Variants in ZNF804B observed in about 807,000 individuals in gnomAD.
The protein encoded by ZNF804B is zinc finger protein 804B, also known as zinc finger 804B.
Under a neutral mutation model 101.4 loss-of-function variants are expected in ZNF804B, and 80 were observed. That is an observed-to-expected ratio of 0.79 (90% confidence interval 0.66 to 0.95). The LOEUF (loss-of-function observed/expected upper bound fraction) is 0.95. Ranked by LOEUF, ZNF804B falls within the 40% of genes least tolerant of loss-of-function variation. ZNF804B has a pLI of 0.00. For synonymous variants in ZNF804B, 622 were observed against 558.8 expected, an observed-to-expected ratio of 1.11 and a Z score of -1.59; for missense variants, 1,673 against 1,561.9, an observed-to-expected ratio of 1.07 and a Z score of -1.20.
At chr7:88,910,284 C>T (rs1792529075) in intron 1 of ZNF804B, among the ~76,000 whole-genome samples, 1 of 151,864 alleles carries the variant, frequency 6.6e-6, no homozygotes, top group Non-Finnish European at 1.5e-5. Context: ...TTTCAGACAG[C>T]ACTGATAAAC....
At chr7:89,047,103 A>G (rs2116258130) in intron 1 of ZNF804B, among the ~76,000 whole-genome samples, 1 of 152,196 alleles carries the variant, frequency 6.6e-6, no homozygotes, top group African/African-American at 2.4e-5. Context: ...TCTGCAAGTT[A>G]TGGATTATGT....
At chr7:88,787,390 TGTGA>T (rs147771196) in intron 1 of ZNF804B, among the ~76,000 whole-genome samples, 3,078 of 152,280 alleles carry the variant, frequency 0.02, 67 homozygotes, top group East Asian at 0.087. Context: ...TAGTGAACTC[TGTGA>T]GTAAGTGTTT....
chr7:89,202,789 A>G (rs1788663467), intron 1 of ZNF804B, among the ~76,000 whole-genome samples: 1 of 152,146 alleles, frequency 6.6e-6, no homozygotes, highest in Non-Finnish European at 1.5e-5. Context: ...AACGTTTGAC[A>G]AGCCAAAGAA....
At chr7:89,290,369 G>A (rs1266089450) in intron 2 of ZNF804B, among the ~76,000 whole-genome samples, 1 of 152,054 alleles carries the variant, frequency 6.6e-6, no homozygotes, top group African/African-American at 2.4e-5. Flanking sequence ...TGCACCTTAG[G>A]CACCATCCCA....
intron 1 of ZNF804B, among the ~76,000 whole-genome samples, chr7:89,068,946 C>T (rs1289123090): frequency 1.3e-5 from 2 of 152,124 alleles, no homozygotes; most frequent in African/African-American, 4.8e-5. Flanking sequence ...GGGAAGGGGC[C>T]AGTGCCTCTG....
chr7:89,269,731 T>G (rs936420678), intron 2 of ZNF804B, among the ~76,000 whole-genome samples: 6 of 152,242 alleles, frequency 3.9e-5, no homozygotes, highest in East Asian at 1.9e-4. Context: ...ACCTGTTGTT[T>G]CCTGACTTTG....
rs530765893 is a variant in ZNF804B at position 89,023,203 on chromosome 7, T to A, written c.109-194952T>A. On this transcript the variant is annotated intron_variant, in intron 1 of 3. Transcript: ENST00000333190. ...AGATATTCATTTTATAAATGCAATT[T>A]CCAACAGTTAGCTGTATCATGTGAG... Among the ~76,000 whole-genome samples, 8 of 152,344 alleles carry A rather than the reference T, an allele frequency of 5.3e-5. No individual in the cohort carries two copies. In the East Asian group the frequency reaches 1.5e-3, roughly 29 times the overall value.
intron 1 of ZNF804B, among the ~76,000 whole-genome samples, chr7:88,875,112 G>A (rs1223245613): frequency 4.3e-5 from 6 of 140,088 alleles, no homozygotes; most frequent in Non-Finnish European, 7.6e-5. Context: ...TGAAACCAAT[G>A]AGAACAAAGA....
At chr7:89,080,234 G>T (rs1427349633) in intron 1 of ZNF804B, among the ~76,000 whole-genome samples, 2 of 151,424 alleles carry the variant, frequency 1.3e-5, no homozygotes, top group Non-Finnish European at 2.9e-5. Context: ...AATTAGATTT[G>T]CAAGACTATT....
intron 1 of ZNF804B, among the ~76,000 whole-genome samples, chr7:89,127,391 G>T (rs1006023344): frequency 6.6e-6 from 1 of 151,742 alleles, no homozygotes; most frequent in Non-Finnish European, 1.5e-5. Flanking sequence ...TTATTGTGTT[G>T]TCCAAGGCAG....
chr7:88,780,848 C>T (rs1369008431), intron 1 of ZNF804B, among the ~76,000 whole-genome samples: 1 of 152,122 alleles, frequency 6.6e-6, no homozygotes, highest in Admixed American at 6.6e-5. Context: ...AATCTCTTAT[C>T]TTTCTTCACA....
At chr7:89,068,438 AT>A (rs756525353) in intron 1 of ZNF804B, among the ~76,000 whole-genome samples, 50 of 152,234 alleles carry the variant, frequency 3.3e-4, no homozygotes, top group Middle Eastern at 6.8e-3. Flanking sequence ...ATTTATAAAT[AT>A]TTTTATTCAC....
intron 1 of ZNF804B, among the ~76,000 whole-genome samples, chr7:88,840,030 C>T (rs911161414): frequency 3.9e-5 from 6 of 152,052 alleles, no homozygotes; most frequent in Non-Finnish European, 5.9e-5. Context: ...TTGTGTTAGC[C>T]CCTTCATGGA....
chr7:89,270,490 C>G (rs561598481), intron 2 of ZNF804B, among the ~76,000 whole-genome samples: 50 of 152,204 alleles, frequency 3.3e-4, no homozygotes, highest in Admixed American at 7.9e-4. Context: ...AGTTTGAAGT[C>G]AGGTAGTCTG....
At chr7:89,039,188 C>T (rs1239943106) in intron 1 of ZNF804B, among the ~76,000 whole-genome samples, 1 of 151,636 alleles carries the variant, frequency 6.6e-6, no homozygotes, top group Non-Finnish European at 1.5e-5. Flanking sequence ...TAGGAATTTT[C>T]TTCTTGTTTC....
At chr7:89,094,476 G>A (rs532308139) in intron 1 of ZNF804B, among the ~76,000 whole-genome samples, 1 of 152,024 alleles carries the variant, frequency 6.6e-6, no homozygotes, top group African/African-American at 2.4e-5. Context: ...TCCTGTTTGA[G>A]TCATATGAAA....
intron 1 of ZNF804B, among the ~76,000 whole-genome samples, chr7:89,023,487 T>C (rs1190143183): frequency 6.6e-6 from 1 of 152,220 alleles, no homozygotes; most frequent in African/African-American, 2.4e-5. Context: ...ATGAAGTTTG[T>C]CTAAACTGTA....
rs182369299 is a variant in ZNF804B at position 88,919,804 on chromosome 7, C to T, written c.108+159720C>T. On this transcript the variant is annotated intron_variant, in intron 1 of 3. Coordinates refer to ENST00000333190, the MANE Select transcript of ZNF804B (RefSeq NM_181646.5). ...TTAACAGCGTAAGTTCTGAGACAGG[C>T]CTGATTCTAAATGTCAGTCATGACC... Among the ~76,000 whole-genome samples, 5 of 152,144 alleles carry T rather than the reference C, an allele frequency of 3.3e-5. No individual in the cohort carries two copies. In the East Asian group the frequency reaches 7.7e-4, roughly 24 times the overall value.
At chr7:88,870,780 CA>C (rs1177139435) in intron 1 of ZNF804B, among the ~76,000 whole-genome samples, 1 of 151,718 alleles carries the variant, frequency 6.6e-6, no homozygotes, top group East Asian at 1.9e-4. Flanking sequence ...TTACACATTG[CA>C]AAAAAAGGCA....
Sources: allele counts gnomAD v4.1 joint callset (sites outside exome capture counted in the v4.1 genomes callset), GRCh38; gene constraint gnomAD v4.1.1; transcripts MANE v1.5; gene names NCBI Gene and HGNC (gene_info 2026-07-23, HGNC 2026-07-21).